The following CDH12 variants were observed in gnomAD, a reference collection of about 807,000 sequenced individuals.
CDH12 encodes the protein cadherin 12, also known as cadherin-12.
In CDH12, 41 loss-of-function variants were observed where a neutral mutation model predicts 74.1. The ratio of observed to expected loss-of-function variants is 0.55; its 90% CI spans 0.43 to 0.72. The LOEUF is 0.72. Among genes scored for constraint, CDH12 ranks in the 30% least tolerant of loss-of-function variants. The pLI, the probability that CDH12 is intolerant of heterozygous loss-of-function variation, is 0.00. For synonymous variants in CDH12, 399 were observed against 355.0 expected, an observed-to-expected ratio of 1.12 and a Z score of -1.39; for missense variants, 945 against 977.2, an observed-to-expected ratio of 0.97 and a Z score of 0.44.
At chr5:21,869,615 AT>A (rs548367449) in intron 6 of CDH12, among the ~76,000 whole-genome samples, 119 of 152,294 alleles carry the variant, frequency 7.8e-4, no homozygotes, top group Middle Eastern at 3.4e-3. Context: ...ATTTTATATC[AT>A]AGCATTTAAG....
At chr5:22,286,893 T>C (rs533275422) in intron 3 of CDH12, among the ~76,000 whole-genome samples, 1 of 152,352 alleles carries the variant, frequency 6.6e-6, no homozygotes, top group East Asian at 1.9e-4. Context: ...ATGCAGTTTG[T>C]ACTGGATGCT....
intron 5 of CDH12, among the ~76,000 whole-genome samples, chr5:22,011,009 C>A (rs866120083): frequency 1.4e-4 from 22 of 152,074 alleles, no homozygotes; most frequent in Middle Eastern, 3.4e-3. Flanking sequence ...CATTACTAGC[C>A]CAGGTTTAGC....
rs539756414 is a variant in CDH12 at position 22,110,899 on chromosome 5, T to G, written c.-186-32037A>C. ...AATGTCTCCCAAAGTTAGCTTGGCT[T>G]AAGCCCAAAATAATTAAAGACAACT... is the stretch of plus-strand genomic sequence containing the variant. On this transcript the variant is annotated intron_variant, in intron 4 of 14. Coordinates refer to ENST00000382254, the MANE Select transcript of CDH12 (RefSeq NM_004061.5). Among the ~76,000 whole-genome samples, 5 of 152,220 alleles carry G rather than the reference T, an allele frequency of 3.3e-5. No individual in the cohort carries two copies. The East Asian group carries it at 9.7e-4, about 29-fold the overall frequency.
chr5:22,268,070 T>A (rs894101465), intron 3 of CDH12, among the ~76,000 whole-genome samples: 7 of 152,042 alleles, frequency 4.6e-5, no homozygotes, highest in Non-Finnish European at 1.0e-4. Context: ...ATAATTAAAA[T>A]ATACATGGCA....
chr5:22,466,199 C>T (rs189360305), intron 2 of CDH12, among the ~76,000 whole-genome samples: 2 of 152,308 alleles, frequency 1.3e-5, no homozygotes, highest in Admixed American at 1.3e-4. Flanking sequence ...TTCCTGAGCC[C>T]TATGCTTTAG....
intron 4 of CDH12, among the ~76,000 whole-genome samples, chr5:22,204,309 C>T (rs1214594771): frequency 6.6e-6 from 1 of 152,112 alleles, no homozygotes; most frequent in African/African-American, 2.4e-5. Flanking sequence ...TACAGGCACC[C>T]GTCACCACGC....
At chr5:22,262,517 G>C (rs1204406640) in intron 3 of CDH12, among the ~76,000 whole-genome samples, 1 of 151,282 alleles carries the variant, frequency 6.6e-6, no homozygotes, top group Non-Finnish European at 1.5e-5. Flanking sequence ...GTCTATCATT[G>C]TTGGACATTT....
At chr5:22,091,223 C>A in intron 4 of CDH12, among the ~76,000 whole-genome samples, 2 of 128,928 alleles carry the variant, frequency 1.6e-5, no homozygotes, top group African/African-American at 5.8e-5. Flanking sequence ...ATATATATAG[C>A]TTAGTAAATA....
intron 3 of CDH12, among the ~76,000 whole-genome samples, chr5:22,280,765 T>C (rs1023091440): frequency 2.0e-5 from 3 of 152,248 alleles, no homozygotes; most frequent in South Asian, 2.1e-4. Context: ...CAGGACCAGA[T>C]GGATTCACAG....
intron 3 of CDH12, among the ~76,000 whole-genome samples, chr5:22,377,509 G>A (rs2126369244): frequency 6.6e-6 from 1 of 152,158 alleles, no homozygotes; most frequent in East Asian, 1.9e-4. Context: ...AGAGCAAGGC[G>A]ACAACCATAC....
intron 7 of CDH12, among the ~76,000 whole-genome samples, chr5:21,846,037 T>A (rs1750148880): frequency 6.6e-6 from 1 of 152,130 alleles, no homozygotes; most frequent in Admixed American, 6.6e-5. Flanking sequence ...TTCCCTTTTC[T>A]TTGTCACCAC....
At chr5:22,779,609 A>G (rs1425816760) in intron 1 of CDH12, among the ~76,000 whole-genome samples, 3 of 152,184 alleles carry the variant, frequency 2.0e-5, no homozygotes, top group Admixed American at 6.6e-5. Context: ...TGATTGGATC[A>G]TGGAGGCAGT....
intron 6 of CDH12, among the ~76,000 whole-genome samples, chr5:21,966,210 C>A (rs911879162): frequency 5.3e-5 from 7 of 131,502 alleles, no homozygotes; most frequent in Non-Finnish European, 9.7e-5. Context: ...GAGAAAAAAA[C>A]ACTTTTTCCT....
At chr5:21,767,263 C>T (rs1234439850) in intron 11 of CDH12, among the ~76,000 whole-genome samples, 1 of 151,610 alleles carries the variant, frequency 6.6e-6, no homozygotes, top group Non-Finnish European at 1.5e-5. Flanking sequence ...GTTGGTGTGA[C>T]AATGGTATAT....
Position 21,975,289 on chromosome 5 carries a change from C to T in CDH12, c.328G>A (p.Asp110Asn). The T allele has an allele frequency of 6.3e-7, 1 of 1,597,080 alleles. No homozygotes were observed. The highest frequency in any genetic ancestry group is 8.5e-7 in the Non-Finnish European group (1 of 1,179,444). ...TVFTIDETTG[D>N]IHAIRSLDRE... The stretch of plus-strand genomic sequence containing the variant: ...TCTAGGCTCCTTATTGCATGAATGT[C>T]CCCTGTGGTTTCATCAATGGTAAAA... The change falls in exon 6 of 15, where the codon GAC becomes AAC. Residue 110 changes from aspartate (D) to asparagine (N), a missense_variant. By Grantham distance (23) the Asp-to-Asn change is conservative. Transcript: ENST00000382254.
intron 4 of CDH12, among the ~76,000 whole-genome samples, chr5:22,129,404 T>G (rs1746055612): frequency 6.6e-6 from 1 of 152,168 alleles, no homozygotes; most frequent in South Asian, 2.1e-4. Context: ...CTTAGAATTT[T>G]TACAGTTATG....
At chr5:22,627,311 A>G (rs923554211) in intron 1 of CDH12, among the ~76,000 whole-genome samples, 4 of 152,104 alleles carry the variant, frequency 2.6e-5, no homozygotes, top group African/African-American at 9.7e-5. Flanking sequence ...GGTCGATATA[A>G]AAGAAAAATA....
intron 1 of CDH12, among the ~76,000 whole-genome samples, chr5:22,789,354 A>G (rs963936866): frequency 6.6e-6 from 1 of 152,072 alleles, no homozygotes; most frequent in Non-Finnish European, 1.5e-5. Flanking sequence ...ATAAAGAACA[A>G]AAAAATTGTA....
chr5:22,660,605 A>G (rs1740297397), intron 1 of CDH12, among the ~76,000 whole-genome samples: 1 of 152,128 alleles, frequency 6.6e-6, no homozygotes, highest in Non-Finnish European at 1.5e-5. Flanking sequence ...CTTTGTAAAG[A>G]TGAAGTCTCA....
Sources: allele counts gnomAD v4.1 joint callset (sites outside exome capture counted in the v4.1 genomes callset), GRCh38; gene constraint gnomAD v4.1.1; transcripts MANE v1.5; gene names NCBI Gene and HGNC (gene_info 2026-07-23, HGNC 2026-07-21).